The following CELF2 variants were observed in gnomAD, a reference collection of about 807,000 sequenced individuals.
CELF2 encodes the protein CUGBP Elav-like family member 2.
In CELF2, 8 loss-of-function variants were observed where a neutral mutation model predicts 62.6. The observed-to-expected ratio is 0.13, with a 90% CI of 0.07 to 0.23. The LOEUF (loss-of-function observed/expected upper bound fraction) is 0.23. Among genes scored for constraint, CELF2 ranks in the 10% least tolerant of loss-of-function variants. The pLI, the probability that CELF2 is intolerant of heterozygous loss-of-function variation, is 1.00. For synonymous variants in CELF2, 258 were observed against 250.0 expected, an observed-to-expected ratio of 1.03 and a Z score of -0.30; for missense variants, 333 against 671.0, an observed-to-expected ratio of 0.50 and a Z score of 5.56.
intron 1 of CELF2, among the ~76,000 whole-genome samples, chr10:11,049,225 T>TAA (rs199569531): frequency 2.0e-5 from 3 of 150,104 alleles, no homozygotes; most frequent in Non-Finnish European, 4.4e-5. Context: ...TTTTTTTTTT[T>TAA]AAAACTGCCT....
chr10:11,197,271 A>G (rs966695008), intron 2 of CELF2, among the ~76,000 whole-genome samples: 1 of 151,954 alleles, frequency 6.6e-6, no homozygotes, highest in Non-Finnish European at 1.5e-5. Flanking sequence ...GTGACTCTGC[A>G]CTCTGTCCGT....
In CELF2 at chr10:10,997,226, T is replaced by C. The variant is rs1203392155; in HGVS notation, c.89+77227T>C. ...TGGGTGATAATGCAGATTTACGGGATGGCTCTCATAGCTAAGTGATGCAAG... is the reference window on the plus strand; with the variant it reads ...TGGGTGATAATGCAGATTTACGGGACGGCTCTCATAGCTAAGTGATGCAAG... On this transcript the variant is annotated intron_variant, in intron 2 of 13. Transcript: ENST00000636488. The surrounding 1 kb of genome is among the most constrained non-coding windows in gnomAD (Gnocchi z 5.3). Among the ~76,000 whole-genome samples the C allele has an allele frequency of 6.6e-6, 1 of 152,202 alleles. No homozygotes were observed. The highest frequency in any genetic ancestry group is 1.5e-5 in the Non-Finnish European group (1 of 68,028).
intron 1 of CELF2, among the ~76,000 whole-genome samples, chr10:10,851,385 A>T (rs1366578953): frequency 1.3e-5 from 2 of 152,214 alleles, no homozygotes; most frequent in African/African-American, 2.4e-5. Context: ...GAACAATTAG[A>T]CATCCATCTG....
Position 10,938,190 on chromosome 10 carries a change from G to A in CELF2, c.89+18191G>A, listed in dbSNP as rs2046633099. ...AGCCAGCTGTTCTTTGTTTTCTAAT[G>A]GGCATGTGATGTTGATGAAAAATAG... is the stretch of plus-strand genomic sequence containing the variant. On this transcript the variant is annotated intron_variant, in intron 2 of 13. Coordinates refer to the CELF2 transcript ENST00000636488. The surrounding 1 kb of genome is among the most constrained non-coding windows in gnomAD (Gnocchi z 4.2). Among the ~76,000 whole-genome samples, 1 of 152,170 alleles carries A rather than the reference G, an allele frequency of 6.6e-6. No individual in the cohort carries two copies. The highest frequency in any genetic ancestry group is 1.9e-4 in the East Asian group (1 of 5,198).
intron 1 of CELF2, among the ~76,000 whole-genome samples, chr10:10,855,487 G>A (rs2059650902): frequency 6.6e-6 from 1 of 152,224 alleles, no homozygotes; most frequent in South Asian, 2.1e-4. Flanking sequence ...AAGGCTAGCA[G>A]AGCATAGACA....
In CELF2 at chr10:11,123,098, C is replaced by T. The variant is rs546749910; in HGVS notation, c.75-42388C>T. Among the ~76,000 whole-genome samples, 23 of 152,254 alleles carry T rather than the reference C, an allele frequency of 1.5e-4. No homozygotes were observed. The South Asian group carries it at 4.8e-3, about 32-fold the overall frequency. On this transcript the variant is annotated intron_variant, in intron 1 of 12. Transcript: ENST00000633077. Reference sequence around the variant, plus strand: ...CAGTTCCTCCCGGTCCTCAGTCTCCCAGCTCTCCAGTTGTGTGTCTGGAGT... The same window carrying T: ...CAGTTCCTCCCGGTCCTCAGTCTCCTAGCTCTCCAGTTGTGTGTCTGGAGT...
chr10:10,625,001 G>A, the CELF2 span, among the ~76,000 whole-genome samples: 3 of 152,146 alleles, frequency 2.0e-5, no homozygotes, highest in African/African-American at 7.2e-5. Flanking sequence ...AAGCCTAAGT[G>A]GGCGAGAATA....
chr10:10,838,768 G>T (rs1417376881), intron 1 of CELF2, among the ~76,000 whole-genome samples: 1 of 152,106 alleles, frequency 6.6e-6, no homozygotes, highest in South Asian at 2.1e-4. Flanking sequence ...TCAAAAACAA[G>T]ATATTTTATG....
Position 10,957,955 on chromosome 10 carries a change from C to G in CELF2, c.89+37956C>G, listed in dbSNP as rs943663974. Among the ~76,000 whole-genome samples, 2 of 152,042 alleles carry G rather than the reference C, an allele frequency of 1.3e-5. No homozygotes were observed. Among genetic ancestry groups the G allele is most frequent in the South Asian group, 4.2e-4 (2 of 4,818 alleles). ...ATTTTTGTTATGTGTTTCAGAGGAG[C>G]GCTATGACTTAAGGAATGTATATGA... On this transcript the variant is annotated intron_variant, in intron 2 of 13. Transcript: ENST00000636488. The surrounding 1 kb of genome is among the most constrained non-coding windows in gnomAD (Gnocchi z 4.1).
intron 9 of CELF2, among the ~76,000 whole-genome samples, chr10:11,288,968 G>A (rs2092005391): frequency 2.0e-5 from 3 of 152,202 alleles, no homozygotes; most frequent in Admixed American, 2.0e-4. Flanking sequence ...ACATTTCACA[G>A]CAACTCCATC....
At chr10:10,837,294 GGCTCTCATTTTCTGTCT>G (rs2058362361) in intron 1 of CELF2, among the ~76,000 whole-genome samples, 2 of 152,094 alleles carry the variant, frequency 1.3e-5, no homozygotes, top group African/African-American at 2.4e-5. Flanking sequence ...CCTTTCACTT[GGCTCTCATTTTCTGTCT>G]TGCCTGTTGC....
At chr10:10,924,232 A>AG (rs1209789537) in intron 2 of CELF2, among the ~76,000 whole-genome samples, 1 of 135,720 alleles carries the variant, frequency 7.4e-6, no homozygotes, top group Non-Finnish European at 1.5e-5. Context: ...CAGTGAGCCG[A>AG]GATCGCGCCA....
In CELF2 at chr10:10,936,433, G is replaced by A. The variant is rs112501624; in HGVS notation, c.89+16434G>A. On this transcript the variant is annotated intron_variant, in intron 2 of 13. Coordinates refer to the CELF2 transcript ENST00000636488. The surrounding 1 kb of genome is among the most constrained non-coding windows in gnomAD (Gnocchi z 4.0). Reference sequence around the variant, plus strand: ...AGCTCCATGGAACCTGTTTTGCATCGTCTCCTTGTTTCACAGATGAATAGG... The same window carrying A: ...AGCTCCATGGAACCTGTTTTGCATCATCTCCTTGTTTCACAGATGAATAGG... Among the ~76,000 whole-genome samples the A allele has an allele frequency of 0.011, 1,690 of 152,132 alleles. 37 individuals are homozygous for A. Among genetic ancestry groups the A allele is most frequent in the African/African-American group, 0.038 (1,597 of 41,494 alleles).
At chr10:10,892,290 T>C (rs2062201490) in intron 1 of CELF2, among the ~76,000 whole-genome samples, 1 of 152,096 alleles carries the variant, frequency 6.6e-6, no homozygotes, top group Admixed American at 6.5e-5. Flanking sequence ...ACTAGAGATG[T>C]CCAGTTACTT....
At chr10:11,222,276 C>T (rs1183725460) in intron 3 of CELF2, among the ~76,000 whole-genome samples, 1 of 152,170 alleles carries the variant, frequency 6.6e-6, no homozygotes, top group East Asian at 1.9e-4. Context: ...GGTATTAATG[C>T]CTTTGTTCTC....
intron 1 of CELF2, among the ~76,000 whole-genome samples, chr10:10,849,077 T>C (rs1038216340): frequency 1.3e-5 from 2 of 152,138 alleles, no homozygotes; most frequent in African/African-American, 4.8e-5. Flanking sequence ...CTTTCATTTT[T>C]TTAATTATTT....
chr10:10,796,431 G>C (rs1035944940), upstream of CELF2, among the ~76,000 whole-genome samples: 6 of 152,172 alleles, frequency 3.9e-5, no homozygotes, highest in African/African-American at 1.4e-4. Context: ...AAAAGTTTTT[G>C]AAAAGACAGC....
chr10:11,083,433 A>G (rs1049917195), intron 1 of CELF2, among the ~76,000 whole-genome samples: 1 of 152,182 alleles, frequency 6.6e-6, no homozygotes, highest in Non-Finnish European at 1.5e-5. Context: ...CTGGCCTAGG[A>G]GTAGCGTGAT....
chr10:10,871,351 C>T (rs951386963), intron 1 of CELF2, among the ~76,000 whole-genome samples: 1 of 152,218 alleles, frequency 6.6e-6, no homozygotes, highest in African/African-American at 2.4e-5. Context: ...AATCTATGCG[C>T]CACATCTAAT....
Sources: gnomAD v4.1 joint callset for allele counts (sites outside exome capture counted in the v4.1 genomes callset) on GRCh38, gnomAD v4.1.1 for gene constraint, Gnocchi (gnomAD v3.1) non-coding constraint, MANE v1.5 for transcripts, NCBI Gene and HGNC (gene_info 2026-07-23, HGNC 2026-07-21) for gene names.